SLC23A2: variants seen among roughly 807,000 people sequenced by gnomAD.
SLC23A2 encodes Na(+)/L-ascorbic acid transporter 2.
In SLC23A2, 36 loss-of-function variants were observed where a neutral mutation model predicts 73.3. The ratio of observed to expected loss-of-function variants is 0.49; its 90% CI spans 0.38 to 0.65. The LOEUF (loss-of-function observed/expected upper bound fraction) is 0.65, where lower values mean the gene tolerates loss of function less well. Among genes scored for constraint, SLC23A2 ranks in the 30% least tolerant of loss-of-function variants. SLC23A2 has a pLI of 0.00. For missense variants in SLC23A2, 507 were observed against 841.6 expected (o/e 0.60, Z 4.92); for synonymous variants, 343 against 327.3 (o/e 1.05, Z -0.52).
intron 1 of SLC23A2, among the ~76,000 whole-genome samples, chr20:4,992,799 C>T (rs916077767): frequency 1.3e-5 from 2 of 151,418 alleles, no homozygotes; most frequent in African/African-American, 4.9e-5. Flanking sequence ...CATGAGCCAC[C>T]GCGCTTGGCC....
intron 1 of SLC23A2, among the ~76,000 whole-genome samples, chr20:4,984,474 A>C (rs1021014431): frequency 2.6e-5 from 4 of 151,070 alleles, no homozygotes; most frequent in Non-Finnish European, 4.4e-5. Flanking sequence ...AATGGCATGA[A>C]CCTGGCAGGC....
chr20:4,869,158 G>A (rs1215791411), intron 12 of SLC23A2: 1 of 152,152 alleles, frequency 6.6e-6, no homozygotes, highest in East Asian at 1.9e-4. Context: ...GTATAGCCAA[G>A]TATGGTGGTG....
At chr20:5,010,068 C>T (rs2088233324) in intron 1 of SLC23A2, 1 of 145,350 alleles carries the variant, frequency 6.9e-6, no homozygotes, top group African/African-American at 2.6e-5. Flanking sequence ...GCACTCCAGC[C>T]TGGGCGACAG....
intron 3 of SLC23A2, among the ~76,000 whole-genome samples, chr20:4,913,828 T>C (rs2122897698): frequency 6.6e-6 from 1 of 152,018 alleles, no homozygotes; most frequent in East Asian, 2.0e-4. Context: ...GGTTTCACCA[T>C]GTTGGTCAGG....
chr20:4,926,510 C>CTTTTTTTTTTTT (rs3055953), intron 3 of SLC23A2, among the ~76,000 whole-genome samples: 1 of 105,050 alleles, frequency 9.5e-6, no homozygotes, highest in African/African-American at 3.6e-5. Context: ...ATTTTTTTTG[C>CTTTTTTTTTTTT]TTTTTTTTTT....
intron 3 of SLC23A2, among the ~76,000 whole-genome samples, chr20:4,931,004 C>T (rs2000247): frequency 1.8e-5 from 2 of 108,510 alleles, no homozygotes; most frequent in East Asian, 2.5e-4. Flanking sequence ...AAGTTATTTT[C>T]TTAAAATAAC....
At chr20:4,864,114 C>A (rs1343320475) in intron 13 of SLC23A2, among the ~76,000 whole-genome samples, 2 of 152,202 alleles carry the variant, frequency 1.3e-5, no homozygotes, top group Admixed American at 6.5e-5. Flanking sequence ...CAGGAAAACA[C>A]CCTAAGGATG....
In SLC23A2 at chr20:4,883,130, T is replaced by A. The variant is rs1409988990; in HGVS notation, c.824+512A>T. On this transcript the variant is annotated intron_variant, in intron 9 of 16. Transcript: ENST00000338244. The surrounding 1 kb of genome is among the most constrained non-coding windows in gnomAD (Gnocchi z 4.5). ...GGACAGGCACTGACTAGCAGGACCC[T>A]GGCAGAAACTATGTCCCTCCCCCAA... is the stretch of plus-strand genomic sequence containing the variant. Among the ~76,000 whole-genome samples the A allele has an allele frequency of 6.6e-6, 1 of 152,208 alleles. No homozygotes were observed. Among genetic ancestry groups the A allele is most frequent in the Admixed American group, 6.5e-5 (1 of 15,286 alleles).
At chr20:4,975,810 A>AG (rs2087636075) in intron 1 of SLC23A2, among the ~76,000 whole-genome samples, 1 of 149,300 alleles carries the variant, frequency 6.7e-6, no homozygotes, top group South Asian at 2.1e-4. Flanking sequence ...CATTTTTTTC[A>AG]GTACGTGTTT....
At chr20:4,913,600 T>C (rs575796950) in intron 3 of SLC23A2, among the ~76,000 whole-genome samples, 1 of 152,166 alleles carries the variant, frequency 6.6e-6, no homozygotes, top group East Asian at 1.9e-4. Flanking sequence ...GTTTTTGTTT[T>C]TTTAGGTTTT....
intron 2 of SLC23A2, among the ~76,000 whole-genome samples, chr20:4,952,732 G>A (rs1276220034): frequency 6.6e-6 from 1 of 152,156 alleles, no homozygotes; most frequent in Non-Finnish European, 1.5e-5. Context: ...TATAAGAAAT[G>A]TAATTAAATA....
At chr20:4,894,932 G>A (rs576826592) in intron 6 of SLC23A2, among the ~76,000 whole-genome samples, 1 of 152,220 alleles carries the variant, frequency 6.6e-6, no homozygotes, top group Non-Finnish European at 1.5e-5. Context: ...ACAGCACCTT[G>A]TTCCTTCCTG....
intron 6 of SLC23A2, among the ~76,000 whole-genome samples, chr20:4,887,273 C>T (rs1931139840): frequency 6.6e-6 from 1 of 152,220 alleles, no homozygotes. Flanking sequence ...AGGGAAAACA[C>T]TGTTTGACTT....
At chr20:5,005,961 G>A (rs2088186673), upstream of SLC23A2, among the ~76,000 whole-genome samples, 2 of 151,686 alleles carry the variant, frequency 1.3e-5, no homozygotes, top group Admixed American at 6.6e-5. Context: ...ACTCCAGCCT[G>A]GGCAACAAGA....
intron 6 of SLC23A2, among the ~76,000 whole-genome samples, chr20:4,890,342 G>A (rs541712582): frequency 1.3e-5 from 2 of 152,128 alleles, no homozygotes; most frequent in Non-Finnish European, 2.9e-5. Flanking sequence ...CTAGGAGTGT[G>A]TGTACCAACT....
intron 2 of SLC23A2, among the ~76,000 whole-genome samples, chr20:4,959,824 C>G (rs1208740538): frequency 1.3e-5 from 2 of 152,110 alleles, no homozygotes; most frequent in Non-Finnish European, 2.9e-5. Context: ...CTCTCTGTCA[C>G]GTAGGCAGGA....
In SLC23A2 at chr20:4,947,133, G is replaced by T. The variant is rs541247002; in HGVS notation, c.-154-14417C>A. On this transcript the variant is annotated intron_variant, in intron 2 of 16. Transcript: ENST00000338244. This position sits in a 1 kb window ranked among gnomAD's most constrained non-coding sequence, Gnocchi z 4.4. Reference sequence around the variant, plus strand: ...GGGAGCACTCCTGGGTCAGCTGTCCGTCTTCTGTGTTTCCATGGTTCCCAG... The same window carrying T: ...GGGAGCACTCCTGGGTCAGCTGTCCTTCTTCTGTGTTTCCATGGTTCCCAG... Among the ~76,000 whole-genome samples, 1 of 152,118 alleles carries T rather than the reference G, an allele frequency of 6.6e-6. No individual in the cohort carries two copies. Among genetic ancestry groups the T allele is most frequent in the African/African-American group, 2.4e-5 (1 of 41,402 alleles).
chr20:4,954,032 A>T lies in SLC23A2; in HGVS notation c.-155+16761T>A, dbSNP rs558699732. Among the ~76,000 whole-genome samples the T allele has an allele frequency of 2.6e-4, 40 of 152,324 alleles. 1 individual carries two copies. The highest frequency in any genetic ancestry group is 5.8e-4 in the African/African-American group (24 of 41,562). On this transcript the variant is annotated intron_variant, in intron 2 of 16. Transcript: ENST00000338244. ...CAAAAAGTATTAAGCAGGAGAAAGG[A>T]TGTCATTTTACATTGCTAAAGGATA...
intron 6 of SLC23A2, among the ~76,000 whole-genome samples, chr20:4,898,880 A>G (rs1931644345): frequency 6.6e-6 from 1 of 152,182 alleles, no homozygotes; most frequent in African/African-American, 2.4e-5. Flanking sequence ...AGAACAATGA[A>G]GGGCTCCACA....
Sources: gnomAD v4.1 joint callset for allele counts (sites outside exome capture counted in the v4.1 genomes callset) on GRCh38, gnomAD v4.1.1 for gene constraint, Gnocchi (gnomAD v3.1) non-coding constraint, MANE v1.5 for transcripts, NCBI Gene and HGNC (gene_info 2026-07-23, HGNC 2026-07-21) for gene names.